Variants in ECE1 observed in about 807,000 individuals in gnomAD.
ECE1 encodes the protein endothelin converting enzyme 1, also known as endothelin-converting enzyme 1.
Under a neutral mutation model 98.6 loss-of-function variants are expected in ECE1, and 35 were observed. The observed-to-expected ratio is 0.35, with a 90% CI of 0.27 to 0.47. The LOEUF (loss-of-function observed/expected upper bound fraction) is 0.47, where lower values mean the gene tolerates loss of function less well. ECE1 is among the 20% of genes least tolerant of loss of function. The pLI, the probability that ECE1 is intolerant of heterozygous loss-of-function variation, is 1.00. For missense variants in ECE1, 814 were observed against 1,025.3 expected, an observed-to-expected ratio of 0.79 and a Z score of 2.81; for synonymous variants, 394 against 407.1, an observed-to-expected ratio of 0.97 and a Z score of 0.39.
In ECE1 at chr1:21,328,172, T is replaced by C. The variant is rs559490523; in HGVS notation, c.3+17204A>G. 1.1e-4 allele frequency among the ~76,000 whole-genome samples: 16 copies of C among 152,344 alleles called. No individual in the cohort carries two copies. In the South Asian group the frequency reaches 3.1e-3, roughly 30 times the overall value. On this transcript the variant is annotated intron_variant, in intron 1 of 18. Coordinates refer to the ECE1 transcript ENST00000415912. The stretch of plus-strand genomic sequence containing the variant: ...TCTCACAGCCTAGACTCTTTTTCTC[T>C]CCATTTATTTGCCTGGTTAACACTT...
intron 16 of ECE1, among the ~76,000 whole-genome samples, chr1:21,226,851 G>C (rs2098174957): frequency 6.6e-6 from 1 of 152,104 alleles, no homozygotes; most frequent in Non-Finnish European, 1.5e-5. Context: ...TCAGCCTCCT[G>C]AGTAGCTGGG....
intron 1 of ECE1, among the ~76,000 whole-genome samples, chr1:21,315,926 T>C (rs1638822479): frequency 6.6e-6 from 1 of 151,922 alleles, no homozygotes; most frequent in Non-Finnish European, 1.5e-5. Flanking sequence ...TCAACCTGGG[T>C]ACCGGCTGTA....
chr1:21,342,431 C>T lies in ECE1; in HGVS notation c.3+2945G>A, dbSNP rs370013729. Among the ~76,000 whole-genome samples the T allele has an allele frequency of 2.2e-4, 33 of 152,204 alleles. 1 individual carries two copies. The highest frequency in any genetic ancestry group is 6.7e-4 in the African/African-American group (28 of 41,532). The stretch of plus-strand genomic sequence containing the variant: ...ACATAAAAAGCCTCCTCAGAACCCT[C>T]GGCCCACGGCTTGCACTGGGAGAAA... On this transcript the variant is annotated intron_variant, in intron 1 of 18. Coordinates refer to the ECE1 transcript ENST00000415912.
At chr1:21,277,592 G>A (rs2098249028) in intron 3 of ECE1, among the ~76,000 whole-genome samples, 2 of 152,230 alleles carry the variant, frequency 1.3e-5, no homozygotes, top group South Asian at 4.1e-4. Context: ...CACACACCAG[G>A]ACACGATCAC....
In ECE1 at chr1:21,322,193, G is replaced by T. The variant is rs928955545; in HGVS notation, c.3+23183C>A. 5.3e-5 allele frequency among the ~76,000 whole-genome samples: 8 copies of T among 152,204 alleles called. No homozygotes were observed. Among genetic ancestry groups the T allele is most frequent in the African/African-American group, 1.9e-4 (8 of 41,438 alleles). ...AGATGAAGAAACAGGGGCTCAGAAA[G>T]AAGTGGCAAGGCGGCTTCTCAGTGA... On this transcript the variant is annotated intron_variant, in intron 1 of 18. Transcript: ENST00000415912. The surrounding 1 kb of genome is among the most constrained non-coding windows in gnomAD (Gnocchi z 4.1).
At chr1:21,257,937 G>A (rs1558392862) in intron 6 of ECE1, among the ~76,000 whole-genome samples, 1 of 152,242 alleles carries the variant, frequency 6.6e-6, no homozygotes, top group African/African-American at 2.4e-5. Context: ...TCTTGGCCAA[G>A]TTACTGAACC....
At chr1:21,287,970 AAAAC>A (rs747370140) in intron 2 of ECE1, among the ~76,000 whole-genome samples, 440 of 152,002 alleles carry the variant, frequency 2.9e-3, no homozygotes, top group African/African-American at 4.5e-3. Context: ...GAAAAAAAAA[AAAAC>A]AATGATTGAA....
chr1:21,323,093 C>T (rs1035725315), intron 1 of ECE1, among the ~76,000 whole-genome samples: 1 of 152,212 alleles, frequency 6.6e-6, no homozygotes, highest in Non-Finnish European at 1.5e-5. Context: ...CATGCCAATT[C>T]TGCATTCTGC....
intron 5 of ECE1, among the ~76,000 whole-genome samples, chr1:21,259,533 T>C (rs187966326): frequency 7.2e-5 from 11 of 152,134 alleles, no homozygotes; most frequent in Admixed American, 5.2e-4. Context: ...CCCGAGAAAG[T>C]TGGGATTTTA....
intron 10 of ECE1, among the ~76,000 whole-genome samples, chr1:21,242,603 C>T (rs1048328047): frequency 1.3e-5 from 2 of 152,150 alleles, no homozygotes; most frequent in Non-Finnish European, 2.9e-5. Context: ...AGCCTTCACC[C>T]ATCAGCCCTG....
chr1:21,304,514 T>C (rs1638556236), intron 1 of ECE1, among the ~76,000 whole-genome samples: 1 of 152,034 alleles, frequency 6.6e-6, no homozygotes, highest in South Asian at 2.1e-4. Flanking sequence ...GTCAATGTTG[T>C]TTCTTACTTT....
chr1:21,276,025 GCTT>G (rs1422570010), intron 3 of ECE1, among the ~76,000 whole-genome samples: 6 of 130,022 alleles, frequency 4.6e-5, no homozygotes, highest in African/African-American at 9.6e-5. Flanking sequence ...TTTAATACGT[GCTT>G]TTTTTTTTTT....
intron 1 of ECE1, among the ~76,000 whole-genome samples, chr1:21,328,182 T>G (rs1307903377): frequency 1.3e-5 from 2 of 152,244 alleles, no homozygotes; most frequent in Non-Finnish European, 2.9e-5. Context: ...TCCATTTATT[T>G]GCCTGGTTAA....
intron 2 of ECE1, 152 bp from the exon 3 acceptor site, chr1:21,279,484 C>T: frequency 2.7e-6 from 4 of 1,504,252 alleles, no homozygotes; most frequent in Non-Finnish European, 3.6e-6. Context: ...AGATTCAGCC[C>T]TAATCCAGGA....
At position 21,307,389 on chromosome 1, in the gene ECE1, C is replaced by T. The variant is rs1306685086; in HGVS notation, c.4-17233G>A. 6.6e-6 allele frequency among the ~76,000 whole-genome samples: 1 copy of T among 152,178 alleles called. No homozygotes were observed. Among genetic ancestry groups the T allele is most frequent in the Admixed American group, 6.5e-5 (1 of 15,278 alleles). On this transcript the variant is annotated intron_variant, in intron 1 of 18. Transcript: ENST00000415912. The surrounding 1 kb of genome is among the most constrained non-coding windows in gnomAD (Gnocchi z 4.2). ...TGTCACCTCTCGGAGCCTCAATTTC[C>T]TCCCTCTGCATGGTGAGGGTGGCAG...
intron 16 of ECE1, 110 bp downstream of exon 16, chr1:21,227,049 G>A: frequency 9.4e-7 from 1 of 1,060,398 alleles, no homozygotes; most frequent in Non-Finnish European, 1.4e-6. Context: ...TAGAGATGGA[G>A]GTCTTGCTAT....
chr1:21,287,395 G>A (rs1558415241), intron 2 of ECE1, among the ~76,000 whole-genome samples: 1 of 152,160 alleles, frequency 6.6e-6, no homozygotes, highest in African/African-American at 2.4e-5. Context: ...GCGTGGTGAC[G>A]TGCGCCTGTA....
At chr1:21,276,082 G>A (rs535744883) in intron 3 of ECE1, among the ~76,000 whole-genome samples, 2 of 135,090 alleles carry the variant, frequency 1.5e-5, no homozygotes, top group African/African-American at 2.9e-5. Flanking sequence ...ACCCAGTGCA[G>A]TGGCATAATC....
intron 1 of ECE1, among the ~76,000 whole-genome samples, chr1:21,302,207 C>A (rs756754751): frequency 9.9e-5 from 15 of 152,220 alleles, no homozygotes; most frequent in Non-Finnish European, 1.5e-4. Context: ...CACGTCCAGC[C>A]CCACGCCACC....
Sources: allele counts gnomAD v4.1 joint callset (sites outside exome capture counted in the v4.1 genomes callset), GRCh38; gene constraint gnomAD v4.1.1; non-coding constraint Gnocchi (gnomAD v3.1); transcripts MANE v1.5; gene names NCBI Gene and HGNC (gene_info 2026-07-23, HGNC 2026-07-21).